Variants in ABCC9 observed in about 807,000 individuals in gnomAD.
The protein encoded by ABCC9 is ATP-binding cassette sub-family C member 9.
A neutral mutation model predicts 188.3 loss-of-function variants in ABCC9; 95 were observed. That is an observed-to-expected ratio of 0.50 (90% CI 0.43 to 0.60). The LOEUF (loss-of-function observed/expected upper bound fraction) is 0.60, where lower values mean the gene tolerates loss of function less well. ABCC9 is among the 20% of genes least tolerant of loss of function. The pLI is 0.00. For synonymous variants in ABCC9, 659 were observed against 652.7 expected (o/e 1.01, Z -0.15); for missense variants, 1,102 against 1,876.3 (o/e 0.59, Z 7.62).
chr12:21,807,264 C>T (rs1941922032), intron 38 of ABCC9, 82 bp downstream of exon 38: 3 of 1,586,630 alleles, frequency 1.9e-6, no homozygotes, highest in Non-Finnish European at 2.6e-6. Flanking sequence ...GGATTCAGAA[C>T]CCAATCAGGA....
rs1299972246 is a variant in ABCC9 at position 21,908,275 on chromosome 12, A to G, written c.1321-64T>C. The stretch of plus-strand genomic sequence containing the variant: ...GTTGTGGGAGCCATTGCATGAAAGG[A>G]CATAATTTTTAGTGCAAATGTAGTA... On this transcript the variant is annotated intron_variant, in intron 10 of 39. Coordinates refer to ENST00000261200, the MANE Select transcript of ABCC9 (RefSeq NM_020297.4). 16 of 1,571,708 alleles carry G rather than the reference A, an allele frequency of 1.0e-5. No individual in the cohort carries two copies. The East Asian group carries it at 2.0e-4, about 20-fold the overall frequency.
chr12:21,909,742 A>C (rs745308105), intron 10 of ABCC9, among the ~76,000 whole-genome samples: 1 of 151,972 alleles, frequency 6.6e-6, no homozygotes, highest in African/African-American at 2.4e-5. Context: ...TGTGACTTAC[A>C]TGAATCGAGG....
At chr12:21,829,262 C>T (rs375371127) in intron 30 of ABCC9, among the ~76,000 whole-genome samples, 32 of 120,778 alleles carry the variant, frequency 2.6e-4, no homozygotes, top group South Asian at 8.6e-4. Flanking sequence ...AGTGCAGTGG[C>T]GCGATCTCGG....
intron 22 of ABCC9, among the ~76,000 whole-genome samples, chr12:21,855,224 TA>T (rs1945160145): frequency 1.3e-5 from 2 of 152,158 alleles, no homozygotes; most frequent in South Asian, 4.1e-4. Context: ...TTTATTTATT[TA>T]TTTATTTATT....
At position 21,852,236 on chromosome 12, in the gene ABCC9, A is replaced by G; in HGVS notation, c.2644-14T>C. The G allele has an allele frequency of 1.9e-6, 3 of 1,613,838 alleles. No individual in the cohort carries two copies. The highest frequency in any genetic ancestry group is 1.7e-4 in the Middle Eastern group (1 of 6,056). On this transcript the variant is annotated splice_polypyrimidine_tract_variant and intron_variant, in intron 23 of 39. Transcript: ENST00000261200. ...CATGGCTATGATCTAAGGAAAGCGGATATTCCCAGAAATGTGACGAAAAGC... is the reference window on the plus strand; with the variant it reads ...CATGGCTATGATCTAAGGAAAGCGGGTATTCCCAGAAATGTGACGAAAAGC...
chr12:21,910,325 A>T lies in ABCC9; in HGVS notation c.1165-13T>A. 1 of 1,586,160 alleles carries T rather than the reference A, an allele frequency of 6.3e-7. No homozygotes were observed. The highest frequency in any genetic ancestry group is 8.6e-7 in the Non-Finnish European group (1 of 1,167,806). On this transcript the variant is annotated splice_polypyrimidine_tract_variant and intron_variant, in intron 9 of 39. Transcript: ENST00000261200. ...TATAAATCATGGCCTACCAAAAAAA[A>T]AAAAAAGAGTACATAAAGCTCTAAA... is the stretch of plus-strand genomic sequence containing the variant.
intron 38 of ABCC9, among the ~76,000 whole-genome samples, chr12:21,806,753 A>G (rs1192746866): frequency 6.6e-6 from 1 of 152,170 alleles, no homozygotes; most frequent in Non-Finnish European, 1.5e-5. Flanking sequence ...GCTAGCTCAT[A>G]TGCAGTTTGT....
At chr12:21,812,797 A>G (rs536977803) in intron 35 of ABCC9, among the ~76,000 whole-genome samples, 26 of 152,274 alleles carry the variant, frequency 1.7e-4, no homozygotes, top group African/African-American at 6.0e-4. Flanking sequence ...ATGTATACCT[A>G]TGTAACAAAC....
chr12:21,841,349 T>G (rs1253898358), intron 29 of ABCC9, among the ~76,000 whole-genome samples: 1 of 19,904 alleles, frequency 5.0e-5, no homozygotes, highest in Non-Finnish European at 8.3e-5. Context: ...CTGGTTTCCT[T>G]TTTTTTTTTT....
In ABCC9 at chr12:21,915,908, T is replaced by C. The variant is rs779927466; in HGVS notation, c.576A>G (p.Arg192=). The stretch of plus-strand genomic sequence containing the variant: ...TCTGAGGATTCATGAAAAATACATA[T>C]CTCTGTGGCAAGAAAAATTCCACAG... ...AVEINVIRVR[R]YVFFMNPQKV... Residue 192 remains arginine, a splice_region_variant and synonymous_variant, in exon 7 of 40, where the codon AGA becomes AGG. Transcript: ENST00000261200. 1.2e-6 allele frequency: 2 copies of C among 1,611,850 alleles called. No homozygotes were observed. The highest frequency in any genetic ancestry group is 1.3e-5 in the African/African-American group (1 of 74,790).
At chr12:21,842,524 G>A (rs2137372177) in intron 28 of ABCC9, 53 bp from the exon 29 acceptor site, 1 of 1,560,842 alleles carries the variant, frequency 6.4e-7, no homozygotes, top group South Asian at 1.1e-5. Context: ...AATATTGGCT[G>A]CAATGTAACA....
In ABCC9 at chr12:21,852,235, G is replaced by T; in HGVS notation, c.2644-13C>A. The T allele has an allele frequency of 1.9e-6, 3 of 1,613,724 alleles. No homozygotes were observed. Among genetic ancestry groups the T allele is most frequent in the Non-Finnish European group, 2.5e-6 (3 of 1,179,908 alleles). ...TCATGGCTATGATCTAAGGAAAGCG[G>T]ATATTCCCAGAAATGTGACGAAAAG... On this transcript the variant is annotated splice_polypyrimidine_tract_variant and intron_variant, in intron 23 of 39. Transcript: ENST00000261200.
Position 21,911,748 on chromosome 12 carries a change from CCTATT to C in ABCC9, c.1012-775_1012-771del, listed in dbSNP as rs1359038741. Among the ~76,000 whole-genome samples the C allele has an allele frequency of 3.9e-5, 6 of 152,030 alleles. No homozygotes were observed. In the East Asian group the frequency reaches 1.2e-3, roughly 29 times the overall value. ...TGGGAATATATACAAATGTGCAAGT[CCTATT>C]CTTTCTTAGCAAAACGTGGTTAATA... On this transcript the variant is annotated intron_variant, in intron 8 of 39. Transcript: ENST00000261200.
chr12:21,811,908 C>T lies in ABCC9; in HGVS notation c.4211+141G>A, dbSNP rs1942266795. The T allele has an allele frequency of 7.4e-6, 5 of 674,792 alleles. No individual in the cohort carries two copies. In the East Asian group the frequency reaches 1.4e-4, roughly 18 times the overall value. The allele number at this position is 674,792 out of a possible 1,614,324, so 41.8% of individuals were successfully genotyped here. A position where few individuals can be genotyped will look rare whatever the true frequency, so the allele number is the denominator to read the frequency against. ...ATTTACAACTCTAGGCTTTTCCAAT[C>T]CAAATTGTTGGATGGTATATTTGAT... On this transcript the variant is annotated intron_variant, in intron 36 of 39. Transcript: ENST00000261200.
intron 4 of ABCC9, among the ~76,000 whole-genome samples, chr12:21,927,600 G>A (rs568265033): frequency 1.1e-3 from 165 of 152,296 alleles, no homozygotes; most frequent in African/African-American, 3.6e-3. Flanking sequence ...GTGGATGGCC[G>A]TGTGACCAAA....
intron 16 of ABCC9, among the ~76,000 whole-genome samples, chr12:21,877,348 T>C (rs143576990): frequency 1.3e-5 from 2 of 152,192 alleles, no homozygotes; most frequent in Non-Finnish European, 2.9e-5. Flanking sequence ...TTAACTAGTT[T>C]TGTAAAATAT....
At chr12:21,904,392 C>G (rs1482797481) in intron 12 of ABCC9, among the ~76,000 whole-genome samples, 1 of 152,104 alleles carries the variant, frequency 6.6e-6, no homozygotes, top group Non-Finnish European at 1.5e-5. Context: ...ACTAAAACAC[C>G]AAAAGCAATG....
intron 27 of ABCC9, 105 bp downstream of exon 27, chr12:21,844,662 C>T: frequency 6.4e-7 from 1 of 1,569,346 alleles, no homozygotes; most frequent in Non-Finnish European, 8.8e-7. Context: ...TATTCATTTG[C>T]TCAAGGACTA....
At chr12:21,938,091 G>GAC (rs3062636) in intron 2 of ABCC9, 1 of 151,546 alleles carries the variant, frequency 6.6e-6, no homozygotes, top group Non-Finnish European at 1.5e-5. Flanking sequence ...GGAAAAAACA[G>GAC]TGTTATACAG....
Sources: gnomAD v4.1 joint callset for allele counts (sites outside exome capture counted in the v4.1 genomes callset) on GRCh38, gnomAD v4.1.1 for gene constraint, MANE v1.5 for transcripts, NCBI Gene and HGNC (gene_info 2026-07-23, HGNC 2026-07-21) for gene names.